DCAF12: variants seen among roughly 807,000 people sequenced by gnomAD.
DCAF12 encodes DDB1 and CUL4 associated factor 12, also known as DDB1- and CUL4-associated factor 12.
Under a neutral mutation model 52.8 loss-of-function variants are expected in DCAF12, and 28 were observed. The ratio of observed to expected loss-of-function variants is 0.53; its 90% CI spans 0.39 to 0.73. The LOEUF (loss-of-function observed/expected upper bound fraction) is 0.73. DCAF12 is among the 30% of genes least tolerant of loss of function. The probability of loss-of-function intolerance (pLI) is 0.00; values close to 1 mark genes in which losing one functional copy is unlikely to be tolerated. For synonymous variants in DCAF12, 196 were observed against 215.5 expected (o/e 0.91, Z 0.79); for missense variants, 425 against 552.2 (o/e 0.77, Z 2.31).
At chr9:34,093,265 G>A (rs1348758461) in intron 7 of DCAF12, 21 bp downstream of exon 7, 1 of 1,613,924 alleles carries the variant, frequency 6.2e-7, no homozygotes, top group South Asian at 1.1e-5. Context: ...GTAGGCCTGA[G>A]GTGCACACAG....
intron 4 of DCAF12, among the ~76,000 whole-genome samples, chr9:34,105,910 A>G (rs912052497): frequency 6.6e-6 from 1 of 151,710 alleles, no homozygotes; most frequent in Non-Finnish European, 1.5e-5. Flanking sequence ...GACCACACTC[A>G]GCTAATTTTT....
intron 2 of DCAF12, chr9:34,109,415 C>T (rs144141231): frequency 2.0e-5 from 4 of 198,450 alleles, no homozygotes; most frequent in African/African-American, 9.3e-5. Context: ...TCTTTAGCCC[C>T]CAGGGTGGGA....
At chr9:34,110,261 T>C (rs1002390514) in intron 2 of DCAF12, among the ~76,000 whole-genome samples, 1 of 152,132 alleles carries the variant, frequency 6.6e-6, no homozygotes, top group Non-Finnish European at 1.5e-5. Flanking sequence ...CTCCTCAAAT[T>C]GCTCACTTTC....
At chr9:34,107,251 G>T (rs1828917606) in intron 3 of DCAF12, 108 bp downstream of exon 3, 3 of 1,047,888 alleles carry the variant, frequency 2.9e-6, no homozygotes, top group African/African-American at 3.1e-5. Context: ...TGTGCCCTAT[G>T]GGGAGTCCAG....
At chr9:34,096,192 C>CA (rs1828731968) in intron 6 of DCAF12, 1 of 151,802 alleles carries the variant, frequency 6.6e-6, no homozygotes, top group African/African-American at 2.4e-5. Context: ...TCTGTCTCTA[C>CA]AAAAAATTAA....
At chr9:34,123,345 ATAAG>A in intron 2 of DCAF12, among the ~76,000 whole-genome samples, 1 of 152,362 alleles carries the variant, frequency 6.6e-6, no homozygotes, top group Admixed American at 6.5e-5. Context: ...GTACTTTTAA[ATAAG>A]TAAGATATTG....
rs1828581824 is a variant in DCAF12, at chr9:34,087,676, TCTAA to T, written c.*670_*673del. The T allele has an allele frequency of 6.6e-6, 1 of 152,150 alleles. No individual in the cohort carries two copies. The highest frequency in any genetic ancestry group is 2.4e-5 in the African/African-American group (1 of 41,432). 9.4% of individuals were successfully genotyped at this position (152,150 alleles called of 1,614,324 possible). On this transcript the variant is annotated 3_prime_UTR_variant, in exon 9 of 9. Coordinates refer to ENST00000361264, the MANE Select transcript of DCAF12 (RefSeq NM_015397.4). ...ATGGGAGGCCCCAGGAAGCCTACAA[TCTAA>T]CTAAAAAGATTTTCCCAGTGGTAAT...
At chr9:34,100,810 A>AG (rs1189537105) in intron 4 of DCAF12, among the ~76,000 whole-genome samples, 2 of 132,918 alleles carry the variant, frequency 1.5e-5, no homozygotes, top group East Asian at 4.2e-4. Context: ...TTATTTTTTT[A>AG]ATTTTTTTTG....
chr9:34,097,628 G>C (rs1483638204), intron 5 of DCAF12, among the ~76,000 whole-genome samples: 1 of 151,850 alleles, frequency 6.6e-6, no homozygotes, highest in Non-Finnish European at 1.5e-5. Context: ...AATGTGAAGG[G>C]AAAGTAGGCA....
intron 2 of DCAF12, among the ~76,000 whole-genome samples, chr9:34,112,318 G>A (rs1194979405): frequency 6.6e-6 from 1 of 152,106 alleles, no homozygotes; most frequent in African/African-American, 2.4e-5. Flanking sequence ...ATCCCAGGCT[G>A]AGCGTGGTGG....
At chr9:34,107,641 C>A in intron 2 of DCAF12, 76 bp from the exon 3 acceptor site, 1 of 1,275,766 alleles carries the variant, frequency 7.8e-7, no homozygotes, top group South Asian at 1.3e-5. Flanking sequence ...TCCTTTTGTT[C>A]AACTGTTCAT....
intron 2 of DCAF12, among the ~76,000 whole-genome samples, chr9:34,110,630 G>A (rs1013820502): frequency 2.0e-5 from 3 of 152,086 alleles, no homozygotes; most frequent in Admixed American, 2.0e-4. Flanking sequence ...TTGGAAGGCC[G>A]AGAAAGAAGT....
rs1161531365 is a variant in DCAF12 at position 34,126,462 on chromosome 9, A to G, written c.-31T>C. 1 of 1,597,086 alleles carries G rather than the reference A, an allele frequency of 6.3e-7. No homozygotes were observed. Among genetic ancestry groups the G allele is most frequent in the Non-Finnish European group, 8.5e-7 (1 of 1,177,016 alleles). On this transcript the variant is annotated 5_prime_UTR_variant, in exon 1 of 9. Coordinates refer to ENST00000361264, the MANE Select transcript of DCAF12 (RefSeq NM_015397.4). ...GCAGCGCCGCCGCGGCCCCGCAGCC[A>G]CATGGGGCGGGGGAAGCGAAGGATA...
At chr9:34,099,654 C>A (rs1180989098) in intron 4 of DCAF12, among the ~76,000 whole-genome samples, 7 of 151,332 alleles carry the variant, frequency 4.6e-5, no homozygotes, top group African/African-American at 7.3e-5. Flanking sequence ...AGTGCAATGG[C>A]ATGATCTCGG....
chr9:34,108,988 A>G (rs1167834631), intron 2 of DCAF12, among the ~76,000 whole-genome samples: 3 of 60,826 alleles, frequency 4.9e-5, no homozygotes, highest in Admixed American at 3.7e-4. Flanking sequence ...ATGTTTTTAT[A>G]TATATATATA....
chr9:34,102,607 C>A (rs1246086922), intron 4 of DCAF12, among the ~76,000 whole-genome samples: 1 of 151,100 alleles, frequency 6.6e-6, no homozygotes, highest in African/African-American at 2.4e-5. Flanking sequence ...GAGCCGAGAT[C>A]ACACCACTGC....
chr9:34,096,908 A>G, intron 5 of DCAF12, 127 bp from the exon 6 acceptor site: 1 of 764,722 alleles, frequency 1.3e-6, no homozygotes, highest in Middle Eastern at 2.3e-4. Context: ...CAGAGGTGCC[A>G]GTAATTATTA....
intron 4 of DCAF12, among the ~76,000 whole-genome samples, chr9:34,104,272 G>GA (rs564945971): frequency 1.3e-4 from 19 of 151,758 alleles, no homozygotes; most frequent in Admixed American, 1.1e-3. Context: ...TAAAAAAAAA[G>GA]AAAAAAACAT....
chr9:34,088,514 G>C lies in DCAF12; in HGVS notation c.1204-6C>G. ...CTCCAGGTTTCATCATGATTCTACG[G>C]GAAGAGAAAGAGACTACAATTAGCA... On this transcript the variant is annotated splice_region_variant and splice_polypyrimidine_tract_variant and intron_variant, in intron 8 of 8. Transcript: ENST00000361264. The C allele has an allele frequency of 6.2e-7, 1 of 1,614,062 alleles. No homozygotes were observed. The highest frequency in any genetic ancestry group is 8.5e-7 in the Non-Finnish European group (1 of 1,179,966).
Sources: allele counts gnomAD v4.1 joint callset (sites outside exome capture counted in the v4.1 genomes callset), GRCh38; gene constraint gnomAD v4.1.1; transcripts MANE v1.5; gene names NCBI Gene and HGNC (gene_info 2026-07-23, HGNC 2026-07-21).